PSMA1: variants seen among roughly 807,000 people sequenced by gnomAD.
PSMA1 encodes the protein proteasome subunit alpha type-1.
Under a neutral mutation model 38.4 loss-of-function variants are expected in PSMA1, and 3 were observed. The observed-to-expected ratio is 0.08, with a 90% CI of 0.04 to 0.20. PSMA1 has a LOEUF of 0.20. Ranked by LOEUF, PSMA1 falls within the 10% of genes least tolerant of loss-of-function variation. The probability of loss-of-function intolerance (pLI) is 1.00; values close to 1 mark genes in which losing one functional copy is unlikely to be tolerated. For synonymous variants in PSMA1, 101 were observed against 107.1 expected, an observed-to-expected ratio of 0.94 and a Z score of 0.35; for missense variants, 227 against 325.3, an observed-to-expected ratio of 0.70 and a Z score of 2.32.
chr11:14,574,533 A>G (rs1433072771), intron 2 of PSMA1, among the ~76,000 whole-genome samples: 2 of 152,196 alleles, frequency 1.3e-5, no homozygotes, highest in Admixed American at 6.5e-5. Context: ...CCCAAATCTC[A>G]TCTTGAATGG....
intron 2 of PSMA1, among the ~76,000 whole-genome samples, chr11:14,531,130 C>A (rs868187631): frequency 3.3e-5 from 5 of 151,690 alleles, no homozygotes; most frequent in African/African-American, 1.2e-4. Flanking sequence ...ATACTTCACC[C>A]TTTTTTTTCC....
At chr11:14,537,708 AC>A (rs935377996) in intron 2 of PSMA1, among the ~76,000 whole-genome samples, 1 of 141,312 alleles carries the variant, frequency 7.1e-6, no homozygotes, top group African/African-American at 2.5e-5. Flanking sequence ...TGGTAAAATT[AC>A]CCTTTTTTTT....
chr11:14,621,745 T>C (rs921745525), intron 1 of PSMA1, among the ~76,000 whole-genome samples: 14 of 152,226 alleles, frequency 9.2e-5, no homozygotes, highest in Admixed American at 9.2e-4. Flanking sequence ...AGAAAAATAT[T>C]GCAGACTCTT....
chr11:14,510,877 T>C lies in PSMA1; in HGVS notation c.619A>G (p.Thr207Ala). Reference protein sequence around the residue: ...ETLPAEQDLTTKNVSIGIVGK... With the variant: ...ETLPAEQDLTAKNVSIGIVGK... ...TTGGAAAAGACAATACTTACCTTTG[T>C]AGTCAGGTCCTGTTCTGCAGGAAGC... is the stretch of plus-strand genomic sequence containing the variant. The change falls in exon 8 of 10, where the codon ACA (threonine) becomes GCA (alanine). Residue 207 changes from threonine (T) to alanine (A), a missense_variant. By Grantham distance (58) the Thr-to-Ala change is moderately conservative. Coordinates refer to ENST00000396394, the MANE Select transcript of PSMA1 (RefSeq NM_002786.4). 3.1e-6 allele frequency: 5 copies of C among 1,599,858 alleles called. No homozygotes were observed. The highest frequency in any genetic ancestry group is 3.4e-6 in the Non-Finnish European group (4 of 1,172,756).
At chr11:14,606,988 A>G (rs934247747) in intron 2 of PSMA1, among the ~76,000 whole-genome samples, 1 of 152,186 alleles carries the variant, frequency 6.6e-6, no homozygotes, top group Non-Finnish European at 1.5e-5. Context: ...CTGCCCCTGT[A>G]AAATATATGA....
chr11:14,577,738 C>T (rs1487471991), intron 2 of PSMA1, among the ~76,000 whole-genome samples: 1 of 152,114 alleles, frequency 6.6e-6, no homozygotes, highest in African/African-American at 2.4e-5. Context: ...CAAGGCCACA[C>T]AGCTTATGGG....
At chr11:14,643,110 C>T (rs1452404189) in intron 1 of PSMA1, among the ~76,000 whole-genome samples, 1 of 150,204 alleles carries the variant, frequency 6.7e-6, no homozygotes, top group East Asian at 2.1e-4. Context: ...AGAACGTGCA[C>T]GTGGAGTGCT....
At chr11:14,528,316 T>G (rs1470253811) in intron 2 of PSMA1, among the ~76,000 whole-genome samples, 1 of 152,170 alleles carries the variant, frequency 6.6e-6, no homozygotes, top group Non-Finnish European at 1.5e-5. Flanking sequence ...AATACCTATT[T>G]TTCTCCTTCT....
chr11:14,520,104 C>A (rs1280258130), intron 1 of PSMA1, 193 bp downstream of exon 1: 2 of 826,834 alleles, frequency 2.4e-6, no homozygotes, highest in Admixed American at 2.6e-5. Flanking sequence ...GGTGGAAAGG[C>A]CGCACTGGCT....
chr11:14,543,761 T>C (rs1851797098), intron 2 of PSMA1, among the ~76,000 whole-genome samples: 2 of 152,352 alleles, frequency 1.3e-5, no homozygotes, highest in South Asian at 2.1e-4. Context: ...GGTCCTTGAA[T>C]AAGACTGTTT....
intron 1 of PSMA1, among the ~76,000 whole-genome samples, chr11:14,618,017 C>T (rs1393156581): frequency 6.6e-6 from 1 of 152,098 alleles, no homozygotes; most frequent in Non-Finnish European, 1.5e-5. Flanking sequence ...TAGGCAATTT[C>T]CTTCTGTGAG....
intron 2 of PSMA1, among the ~76,000 whole-genome samples, chr11:14,540,766 A>G (rs1208186769): frequency 6.6e-6 from 1 of 152,198 alleles, no homozygotes; most frequent in Non-Finnish European, 1.5e-5. Context: ...AAAAAGGTAC[A>G]CTTTTTGTGA....
chr11:14,634,454 GT>G (rs1162762777), intron 1 of PSMA1, among the ~76,000 whole-genome samples: 2 of 151,006 alleles, frequency 1.3e-5, no homozygotes, highest in Non-Finnish European at 2.9e-5. Flanking sequence ...AAGGGGATAT[GT>G]TTTTTTGAAG....
intron 2 of PSMA1, among the ~76,000 whole-genome samples, chr11:14,566,047 T>C (rs1406044490): frequency 6.6e-6 from 1 of 152,106 alleles, no homozygotes; most frequent in Non-Finnish European, 1.5e-5. Flanking sequence ...TACCTGGATA[T>C]CTGACAAAAA....
chr11:14,565,551 C>T (rs777826339), intron 2 of PSMA1, among the ~76,000 whole-genome samples: 1 of 152,074 alleles, frequency 6.6e-6, no homozygotes, highest in Non-Finnish European at 1.5e-5. Context: ...TTTTATATTG[C>T]ATAGAGAAAG....
In PSMA1 at chr11:14,628,606, G is replaced by T. The variant is rs1458443949; in HGVS notation, c.-166+14849C>A. Among the ~76,000 whole-genome samples, 4 of 149,600 alleles carry T rather than the reference G, an allele frequency of 2.7e-5. No homozygotes were observed. The South Asian group carries it at 8.7e-4, about 32-fold the overall frequency. ...GTTGGTTCCAAGTCTTTGCTATTGC[G>T]AATAATGCCGCAATAAACATACGTG... On this transcript the variant is annotated intron_variant, in intron 1 of 10. Coordinates refer to the PSMA1 transcript ENST00000418988.
At chr11:14,632,262 C>T (rs1200424174) in intron 1 of PSMA1, among the ~76,000 whole-genome samples, 4 of 148,914 alleles carry the variant, frequency 2.7e-5, no homozygotes, top group Admixed American at 6.6e-5. Flanking sequence ...TTCCTAGTCT[C>T]GATGGTCTTT....
intron 2 of PSMA1, among the ~76,000 whole-genome samples, chr11:14,547,330 T>C (rs898830129): frequency 2.0e-5 from 3 of 152,350 alleles, no homozygotes; most frequent in African/African-American, 7.2e-5. Context: ...TTTAAATGAC[T>C]GTATTTTGTG....
intron 2 of PSMA1, among the ~76,000 whole-genome samples, chr11:14,558,814 T>C (rs1305535845): frequency 1.3e-5 from 2 of 152,240 alleles, no homozygotes; most frequent in Admixed American, 1.3e-4. Flanking sequence ...GACTGGCTGG[T>C]TGATAGAAAT....
Sources: gnomAD v4.1 joint callset for allele counts (sites outside exome capture counted in the v4.1 genomes callset) on GRCh38, gnomAD v4.1.1 for gene constraint, MANE v1.5 for transcripts, NCBI Gene and HGNC (gene_info 2026-07-23, HGNC 2026-07-21) for gene names.